The following CDH12 variants were observed in gnomAD, a reference collection of about 807,000 sequenced individuals.
The protein encoded by CDH12 is cadherin-12.
CDH12 carries 41 observed loss-of-function variants against 74.1 expected under a neutral mutation model. That is an observed-to-expected ratio of 0.55 (90% CI 0.43 to 0.72). CDH12 has a LOEUF of 0.72. Among genes scored for constraint, CDH12 ranks in the 30% least tolerant of loss-of-function variants. The pLI is 0.00. For missense variants in CDH12, 945 were observed against 977.2 expected (o/e 0.97, Z 0.44); for synonymous variants, 399 against 355.0 (o/e 1.12, Z -1.39).
At chr5:22,654,158 TTCCC>T (rs1270206273) in intron 1 of CDH12, among the ~76,000 whole-genome samples, 32 of 150,556 alleles carry the variant, frequency 2.1e-4, no homozygotes, top group Non-Finnish European at 1.3e-4. Context: ...TCTTCCTTCC[TTCCC>T]TCCCTTCCTT....
chr5:22,101,233 C>T (rs1402324675), intron 4 of CDH12, among the ~76,000 whole-genome samples: 1 of 151,778 alleles, frequency 6.6e-6, no homozygotes, highest in Admixed American at 6.6e-5. Context: ...AAAATTCACA[C>T]AATTTCATCT....
chr5:22,303,538 A>C (rs1412193819), intron 3 of CDH12, among the ~76,000 whole-genome samples: 1 of 152,128 alleles, frequency 6.6e-6, no homozygotes, highest in Non-Finnish European at 1.5e-5. Flanking sequence ...GAAATGTATC[A>C]TAAAGATTCA....
At chr5:22,628,495 A>C (rs1033763458) in intron 1 of CDH12, among the ~76,000 whole-genome samples, 2 of 152,192 alleles carry the variant, frequency 1.3e-5, no homozygotes, top group Non-Finnish European at 1.5e-5. Flanking sequence ...CTCCTGAATG[A>C]CTTTTGCATA....
chr5:22,615,898 G>T (rs1220737046), intron 1 of CDH12, among the ~76,000 whole-genome samples: 1 of 151,934 alleles, frequency 6.6e-6, no homozygotes, highest in Non-Finnish European at 1.5e-5. Context: ...GAAATCTTTG[G>T]GTAAAGGATT....
intron 2 of CDH12, among the ~76,000 whole-genome samples, chr5:22,474,058 T>A (rs991345924): frequency 6.6e-5 from 10 of 152,096 alleles, no homozygotes; most frequent in Admixed American, 3.9e-4. Context: ...ACACAGAGTA[T>A]TGCCAGAGAG....
At chr5:22,406,300 C>T (rs1009294732) in intron 2 of CDH12, among the ~76,000 whole-genome samples, 1 of 152,132 alleles carries the variant, frequency 6.6e-6, no homozygotes, top group Admixed American at 6.6e-5. Context: ...AGCTGAACTG[C>T]AATGACGAGA....
rs570912859 is a variant in CDH12, at chr5:22,352,869, T to A, written c.-333+52388A>T. ...AACTAGTAACACAATCTACTGATGA[T>A]TCAGAATCAAAATACTAAGACTAGA... On this transcript the variant is annotated intron_variant, in intron 3 of 14. Coordinates refer to ENST00000382254, the MANE Select transcript of CDH12 (RefSeq NM_004061.5). 7.9e-5 allele frequency among the ~76,000 whole-genome samples: 12 copies of A among 152,250 alleles called. No individual in the cohort carries two copies. The East Asian group carries it at 2.3e-3, about 29-fold the overall frequency.
intron 4 of CDH12, among the ~76,000 whole-genome samples, chr5:22,206,888 C>T (rs2150359125): frequency 6.6e-6 from 1 of 151,146 alleles, no homozygotes; most frequent in Non-Finnish European, 1.5e-5. Flanking sequence ...CAGAGACAGA[C>T]ATTTAGATAG....
In CDH12 at chr5:22,274,587, T is replaced by G. The variant is rs964976884; in HGVS notation, c.-332-61944A>C. ...CATTTTGACTCTTTTGAAGTTACTATTTTCAGTAACTCAGGCACATACACA... is the reference window on the plus strand; with the variant it reads ...CATTTTGACTCTTTTGAAGTTACTAGTTTCAGTAACTCAGGCACATACACA... On this transcript the variant is annotated intron_variant, in intron 3 of 14. Coordinates refer to ENST00000382254, the MANE Select transcript of CDH12 (RefSeq NM_004061.5). Among the ~76,000 whole-genome samples the G allele has an allele frequency of 2.6e-5, 4 of 152,196 alleles. No individual in the cohort carries two copies. The South Asian group carries it at 6.2e-4, about 24-fold the overall frequency.
At chr5:22,379,840 A>G (rs1302023748) in intron 3 of CDH12, among the ~76,000 whole-genome samples, 3 of 152,200 alleles carry the variant, frequency 2.0e-5, no homozygotes, top group African/African-American at 4.8e-5. Context: ...TGCAGCCTCA[A>G]ACTGCTGGGC....
intron 3 of CDH12, among the ~76,000 whole-genome samples, chr5:22,395,022 T>C (rs539113977): frequency 2.0e-4 from 30 of 152,254 alleles, no homozygotes; most frequent in East Asian, 7.7e-4. Flanking sequence ...ATCACAAAGA[T>C]AATTTCACAT....
intron 1 of CDH12, among the ~76,000 whole-genome samples, chr5:22,546,048 A>T (rs1201628432): frequency 6.6e-6 from 1 of 151,948 alleles, no homozygotes; most frequent in African/African-American, 2.4e-5. Flanking sequence ...TGGTTCAGGC[A>T]ATTCTCCTGC....
intron 2 of CDH12, among the ~76,000 whole-genome samples, chr5:22,500,536 C>T (rs1747288296): frequency 6.6e-6 from 1 of 152,066 alleles, no homozygotes; most frequent in African/African-American, 2.4e-5. Context: ...CTTATCACTT[C>T]CTCAATTTAA....
intron 11 of CDH12, among the ~76,000 whole-genome samples, chr5:21,773,707 C>T (rs756802745): frequency 7.9e-5 from 12 of 152,106 alleles, no homozygotes; most frequent in Non-Finnish European, 1.5e-4. Flanking sequence ...AACTCCCCTT[C>T]AGATATTCAT....
intron 3 of CDH12, among the ~76,000 whole-genome samples, chr5:22,329,425 A>G (rs915947984): frequency 1.3e-5 from 2 of 152,196 alleles, no homozygotes; most frequent in Non-Finnish European, 2.9e-5. Flanking sequence ...GTTTCTAACC[A>G]CTAGAATATG....
intron 5 of CDH12, among the ~76,000 whole-genome samples, chr5:22,008,233 A>ATT (rs370005873): frequency 1.3e-4 from 19 of 146,086 alleles, no homozygotes; most frequent in African/African-American, 4.7e-4. Flanking sequence ...GAACTATACA[A>ATT]TTTTTTTTTT....
rs10068119 is a variant in CDH12 at position 22,135,458 on chromosome 5, G to T, written c.-186-56596C>A. 7.9e-3 allele frequency among the ~76,000 whole-genome samples: 1,194 copies of T among 152,044 alleles called. 14 individuals are homozygous for T. The highest frequency in any genetic ancestry group is 0.028 in the African/African-American group (1,142 of 41,518). ...GATTTTTCTGTCATATTTCATAAGA[G>T]ATTTTTCAAAATGCACATTAATTCT... On this transcript the variant is annotated intron_variant, in intron 4 of 14. Transcript: ENST00000382254.
At chr5:22,650,143 TATAAC>T (rs1254602627) in intron 1 of CDH12, among the ~76,000 whole-genome samples, 1 of 151,992 alleles carries the variant, frequency 6.6e-6, no homozygotes, top group Non-Finnish European at 1.5e-5. Flanking sequence ...CATATGCCTA[TATAAC>T]AAAATTGTAA....
chr5:22,794,905 G>A (rs553935369), intron 1 of CDH12, among the ~76,000 whole-genome samples: 75 of 152,222 alleles, frequency 4.9e-4, no homozygotes, highest in Middle Eastern at 3.4e-3. Context: ...TATGAGCATG[G>A]AAGCAGAGAT....
Sources: allele counts gnomAD v4.1 joint callset (sites outside exome capture counted in the v4.1 genomes callset), GRCh38; gene constraint gnomAD v4.1.1; transcripts MANE v1.5; gene names NCBI Gene and HGNC (gene_info 2026-07-23, HGNC 2026-07-21).